NRXN3: variants seen among roughly 807,000 people sequenced by gnomAD.
NRXN3 encodes neurexin III.
Under a neutral mutation model 137.6 loss-of-function variants are expected in NRXN3, and 32 were observed. That is an observed-to-expected ratio of 0.23 (90% CI 0.18 to 0.31). The LOEUF (loss-of-function observed/expected upper bound fraction) is 0.31. NRXN3 is among the 10% of genes least tolerant of loss of function. The pLI is 1.00. For missense variants in NRXN3, 1,574 were observed against 2,062.5 expected (o/e 0.76, Z 4.59); for synonymous variants, 798 against 784.5 (o/e 1.02, Z -0.29).
chr14:78,587,098 A>G (rs776993128), intron 4 of NRXN3, among the ~76,000 whole-genome samples: 1 of 152,212 alleles, frequency 6.6e-6, no homozygotes, highest in Admixed American at 6.5e-5. Context: ...GGAAAGAAAT[A>G]CTTTGCATCC....
At chr14:78,386,128 A>G (rs1478235790) in intron 4 of NRXN3, among the ~76,000 whole-genome samples, 1 of 152,148 alleles carries the variant, frequency 6.6e-6, no homozygotes, top group African/African-American at 2.4e-5. Context: ...ATAGAGGGAT[A>G]GATAGATGCG....
intron 17 of NRXN3, among the ~76,000 whole-genome samples, chr14:79,688,400 C>A (rs112856586): frequency 2.0e-5 from 3 of 152,150 alleles, no homozygotes; most frequent in Non-Finnish European, 4.4e-5. Context: ...TATTAGTATA[C>A]CTTCTAATTA....
At chr14:78,312,839 A>G (rs1392745081) in intron 4 of NRXN3, among the ~76,000 whole-genome samples, 1 of 152,200 alleles carries the variant, frequency 6.6e-6, no homozygotes, top group Non-Finnish European at 1.5e-5. Flanking sequence ...AACTAGATAG[A>G]TAAAATGCAT....
intron 16 of NRXN3, among the ~76,000 whole-genome samples, chr14:79,549,947 C>G (rs1218952793): frequency 6.9e-6 from 1 of 145,070 alleles, no homozygotes; most frequent in Non-Finnish European, 1.5e-5. Flanking sequence ...CAGGTTACTT[C>G]TCATATTGTT....
chr14:78,483,938 A>G (rs1460652661), intron 4 of NRXN3, among the ~76,000 whole-genome samples: 1 of 150,486 alleles, frequency 6.6e-6, no homozygotes, highest in African/African-American at 2.4e-5. Context: ...CTTTTGAAGA[A>G]GGGCAAGCCA....
At chr14:79,542,587 T>C (rs2097283965) in intron 16 of NRXN3, among the ~76,000 whole-genome samples, 1 of 152,182 alleles carries the variant, frequency 6.6e-6, no homozygotes, top group Admixed American at 6.6e-5. Context: ...CTGTAGGGCC[T>C]AACCCCACAA....
Position 78,803,692 on chromosome 14 carries a change from CA to C in NRXN3, c.2118del (p.Glu707ArgfsTer43). On this transcript the variant is annotated frameshift_variant, in exon 9 of 21. Coordinates refer to ENST00000335750, the MANE Select transcript of NRXN3 (RefSeq NM_001330195.2). LOFTEE classifies it high-confidence loss of function. ...ATGCCCATGGTCATGCATACTGAGG[CA>C]GAGGATGTGTCCTTCCGCTTCATGT... ...IIMPMVMHTE[A>X]EDVSFRFMSQ... is the part of the protein sequence containing the mutation. The C allele has an allele frequency of 6.2e-7, 1 of 1,614,112 alleles. No homozygotes were observed. Among genetic ancestry groups the C allele is most frequent in the Non-Finnish European group, 8.5e-7 (1 of 1,179,996 alleles).
At chr14:78,426,639 A>G (rs2093676404) in intron 4 of NRXN3, among the ~76,000 whole-genome samples, 1 of 152,166 alleles carries the variant, frequency 6.6e-6, no homozygotes, top group Non-Finnish European at 1.5e-5. Flanking sequence ...TGAGGTAAGC[A>G]TAGTGAACTC....
chr14:78,982,329 G>T (rs1305985654), intron 14 of NRXN3, among the ~76,000 whole-genome samples: 1 of 151,954 alleles, frequency 6.6e-6, no homozygotes, highest in East Asian at 1.9e-4. Context: ...TACAATATCA[G>T]AAATTAGAGA....
At chr14:78,768,009 G>A (rs1285573505) in intron 8 of NRXN3, among the ~76,000 whole-genome samples, 1 of 134,506 alleles carries the variant, frequency 7.4e-6, no homozygotes, top group African/African-American at 2.8e-5. Context: ...TTCTTAACAG[G>A]AAAAATCAAA....
At chr14:78,502,780 G>A (rs1211993537) in intron 4 of NRXN3, among the ~76,000 whole-genome samples, 2 of 152,108 alleles carry the variant, frequency 1.3e-5, no homozygotes, top group Admixed American at 6.6e-5. Context: ...ATATGCTGTT[G>A]GAAATTTCAA....
chr14:79,487,485 T>C (rs2096668197), intron 16 of NRXN3, among the ~76,000 whole-genome samples: 1 of 152,100 alleles, frequency 6.6e-6, no homozygotes, highest in Admixed American at 6.5e-5. Context: ...CAAACTGCAT[T>C]TCCTTTCAAG....
chr14:79,656,616 CTT>C (rs58620442), intron 16 of NRXN3, among the ~76,000 whole-genome samples: 130 of 137,752 alleles, frequency 9.4e-4, no homozygotes, highest in Admixed American at 1.2e-3. Flanking sequence ...CTCTCTCTCT[CTT>C]TTTTTTTTTT....
At chr14:78,908,596 GAAA>G (rs1178781529) in intron 10 of NRXN3, among the ~76,000 whole-genome samples, 1 of 151,890 alleles carries the variant, frequency 6.6e-6, no homozygotes, top group African/African-American at 2.4e-5. Context: ...TGTGCATTAT[GAAA>G]AAAACTGGGC....
intron 17 of NRXN3, chr14:79,669,199 G>C (rs1431405702): frequency 6.6e-6 from 1 of 152,160 alleles, no homozygotes; most frequent in Non-Finnish European, 1.5e-5. Flanking sequence ...GGGAAAAACA[G>C]AGAGAGCAGA....
chr14:78,531,190 G>A (rs567217460), intron 4 of NRXN3, among the ~76,000 whole-genome samples: 11 of 152,232 alleles, frequency 7.2e-5, no homozygotes, highest in African/African-American at 2.4e-4. Context: ...GGAAGCTTAG[G>A]ACAGGAGCTG....
intron 4 of NRXN3, among the ~76,000 whole-genome samples, chr14:78,635,874 G>C (rs2097562880): frequency 6.6e-6 from 1 of 152,174 alleles, no homozygotes; most frequent in Admixed American, 6.6e-5. Flanking sequence ...TATACTCTGT[G>C]TAACTTCAGG....
intron 1 of NRXN3, among the ~76,000 whole-genome samples, chr14:78,227,239 A>T (rs1360587080): frequency 6.6e-6 from 1 of 152,198 alleles, no homozygotes; most frequent in Non-Finnish European, 1.5e-5. Context: ...TATGGGACTT[A>T]TTCAGAAGCT....
intron 1 of NRXN3, among the ~76,000 whole-genome samples, chr14:78,182,962 G>T (rs2059942503): frequency 6.6e-6 from 1 of 152,198 alleles, no homozygotes; most frequent in Non-Finnish European, 1.5e-5. Context: ...CGATGGCACA[G>T]TTCCCAGGCG....
Sources: allele counts gnomAD v4.1 joint callset (sites outside exome capture counted in the v4.1 genomes callset), GRCh38; gene constraint gnomAD v4.1.1; transcripts MANE v1.5; gene names NCBI Gene and HGNC (gene_info 2026-07-23, HGNC 2026-07-21).